The following SAMD12 variants were observed in gnomAD, a reference collection of about 807,000 sequenced individuals.
SAMD12 encodes sterile alpha motif domain containing 12.
A neutral mutation model predicts 15.0 loss-of-function variants in SAMD12; 9 were observed. The observed-to-expected ratio is 0.60, with a 90% confidence interval of 0.36 to 1.05. SAMD12 has a LOEUF of 1.05. Among genes scored for constraint, SAMD12 ranks in the 50% least tolerant of loss-of-function variants. The pLI is 0.01. For synonymous variants in SAMD12, 86 were observed against 90.1 expected (o/e 0.96, Z 0.25); for missense variants, 230 against 234.2 (o/e 0.98, Z 0.12).
At chr8:118,327,846 A>G (rs1816635205) in intron 4 of SAMD12, among the ~76,000 whole-genome samples, 1 of 152,184 alleles carries the variant, frequency 6.6e-6, no homozygotes, top group African/African-American at 2.4e-5. Flanking sequence ...AGGTCCTGAC[A>G]TCTCCCATTC....
At chr8:118,549,390 C>A (rs1453018755) in intron 2 of SAMD12, among the ~76,000 whole-genome samples, 3 of 152,244 alleles carry the variant, frequency 2.0e-5, no homozygotes, top group Non-Finnish European at 4.4e-5. Context: ...CACTGTTCTG[C>A]AGACACCGCT....
chr8:118,564,100 GC>G (rs1203886303), intron 2 of SAMD12, among the ~76,000 whole-genome samples: 1 of 152,152 alleles, frequency 6.6e-6, no homozygotes, highest in Non-Finnish European at 1.5e-5. Context: ...TAAATGGTAA[GC>G]CACATATACC....
chr8:118,568,914 C>T (rs1400938323), intron 2 of SAMD12, among the ~76,000 whole-genome samples: 5 of 152,158 alleles, frequency 3.3e-5, no homozygotes, highest in African/African-American at 1.2e-4. Flanking sequence ...GAAATTATTA[C>T]CACTGCTCTG....
At chr8:118,345,814 G>A (rs193193392) in intron 4 of SAMD12, among the ~76,000 whole-genome samples, 15 of 152,336 alleles carry the variant, frequency 9.8e-5, no homozygotes, top group South Asian at 4.1e-4. Context: ...AAGTGGAGCC[G>A]GCTGGACTGC....
intron 2 of SAMD12, among the ~76,000 whole-genome samples, chr8:118,453,513 G>A (rs192120198): frequency 1.3e-3 from 203 of 152,204 alleles, no homozygotes; most frequent in African/African-American, 4.5e-3. Context: ...CAATGTTAGA[G>A]TATTTGGGGG....
At chr8:118,542,634 T>C (rs1826018086) in intron 2 of SAMD12, among the ~76,000 whole-genome samples, 1 of 152,252 alleles carries the variant, frequency 6.6e-6, no homozygotes, top group Non-Finnish European at 1.5e-5. Context: ...GGTAATTTTA[T>C]GACAATCACT....
chr8:118,173,568 T>A, the SAMD12 span, among the ~76,000 whole-genome samples: 1 of 147,618 alleles, frequency 6.8e-6, no homozygotes, highest in Non-Finnish European at 1.5e-5. Flanking sequence ...ATATATATAA[T>A]CTATATATTT....
At chr8:118,340,027 T>G (rs1817271901) in intron 4 of SAMD12, among the ~76,000 whole-genome samples, 1 of 152,252 alleles carries the variant, frequency 6.6e-6, no homozygotes, top group Non-Finnish European at 1.5e-5. Context: ...CCTCGGTGAC[T>G]AACACACATT....
intron 4 of SAMD12, among the ~76,000 whole-genome samples, chr8:118,289,403 T>C (rs1439342220): frequency 1.3e-5 from 2 of 152,214 alleles, no homozygotes; most frequent in Admixed American, 6.5e-5. Context: ...GCATATAGGT[T>C]CCTTGGCAGC....
chr8:118,587,636 AT>A (rs1441985496), intron 1 of SAMD12, among the ~76,000 whole-genome samples: 7 of 152,236 alleles, frequency 4.6e-5, no homozygotes, highest in African/African-American at 1.7e-4. Flanking sequence ...CCTTAAAGGC[AT>A]ATGTGATATC....
chr8:118,551,440 G>A (rs574929546), intron 2 of SAMD12, among the ~76,000 whole-genome samples: 25 of 151,700 alleles, frequency 1.6e-4, no homozygotes, highest in East Asian at 1.4e-3. Flanking sequence ...GGTACATAAC[G>A]AAATGAAGGC....
chr8:118,240,130 G>A (rs1812531711), intron 4 of SAMD12, among the ~76,000 whole-genome samples: 1 of 152,134 alleles, frequency 6.6e-6, no homozygotes, highest in African/African-American at 2.4e-5. Context: ...CAGCAGCCCT[G>A]TAGAGAAGCC....
At chr8:118,503,025 G>C (rs1353280214) in intron 2 of SAMD12, among the ~76,000 whole-genome samples, 1 of 152,200 alleles carries the variant, frequency 6.6e-6, no homozygotes, top group African/African-American at 2.4e-5. Context: ...AAGAATGTCT[G>C]TGTGTGTGAG....
intron 2 of SAMD12, among the ~76,000 whole-genome samples, chr8:118,571,153 T>C (rs757526102): frequency 6.6e-5 from 10 of 152,176 alleles, no homozygotes; most frequent in Admixed American, 2.0e-4. Flanking sequence ...AATAAATTGG[T>C]ACTAGGAGTG....
At chr8:118,359,023 G>A (rs374988885) in intron 4 of SAMD12, among the ~76,000 whole-genome samples, 1 of 146,308 alleles carries the variant, frequency 6.8e-6, no homozygotes, top group African/African-American at 2.6e-5. Flanking sequence ...GTGTGTGTGT[G>A]TGTATATATA....
chr8:118,244,179 T>C (rs1019881897), intron 4 of SAMD12, among the ~76,000 whole-genome samples: 4 of 152,158 alleles, frequency 2.6e-5, no homozygotes, highest in Non-Finnish European at 4.4e-5. Flanking sequence ...ACTGCGCATA[T>C]ATAAAGGTGC....
chr8:118,417,990 G>A (rs1400815477), intron 3 of SAMD12, among the ~76,000 whole-genome samples: 4 of 152,000 alleles, frequency 2.6e-5, no homozygotes, highest in Non-Finnish European at 5.9e-5. Context: ...GAATATTCTT[G>A]GCTGGTGCAC....
chr8:118,433,312 C>A (rs979260516), intron 3 of SAMD12, among the ~76,000 whole-genome samples: 1 of 152,066 alleles, frequency 6.6e-6, no homozygotes, highest in Non-Finnish European at 1.5e-5. Context: ...AATTTGTCTA[C>A]AGATATAAAT....
intron 2 of SAMD12, among the ~76,000 whole-genome samples, chr8:118,522,185 CACACACACACACAT>C (rs1260340397): frequency 0.077 from 10,374 of 134,262 alleles, 680 homozygotes; most frequent in African/African-American, 0.19. Flanking sequence ...CACATACACA[CACACACACACACAT>C]ACACACACAC....
Sources: gnomAD v4.1 joint callset for allele counts (sites outside exome capture counted in the v4.1 genomes callset) on GRCh38, gnomAD v4.1.1 for gene constraint, MANE v1.5 for transcripts, NCBI Gene and HGNC (gene_info 2026-07-23, HGNC 2026-07-21) for gene names.